CYP19A1: variants seen among roughly 807,000 people sequenced by gnomAD.
CYP19A1 encodes cytochrome P450 family 19 subfamily A member 1.
A neutral mutation model predicts 44.4 loss-of-function variants in CYP19A1; 32 were observed. The ratio of observed to expected loss-of-function variants is 0.72; its 90% CI spans 0.54 to 0.97. The LOEUF is 0.97. Among genes scored for constraint, CYP19A1 ranks in the 50% least tolerant of loss-of-function variants. The pLI is 0.00. For missense variants in CYP19A1, 598 were observed against 637.8 expected (o/e 0.94, Z 0.67); for synonymous variants, 212 against 215.6 (o/e 0.98, Z 0.14).
At chr15:51,279,704 A>G (rs1418209389) in intron 1 of CYP19A1, 1 of 152,232 alleles carries the variant, frequency 6.6e-6, no homozygotes, top group African/African-American at 2.4e-5. Context: ...TGGGATAGAA[A>G]TGGAAGCAGA....
chr15:51,229,056 C>T (rs1410190288), intron 3 of CYP19A1, among the ~76,000 whole-genome samples: 2 of 152,104 alleles, frequency 1.3e-5, no homozygotes, highest in African/African-American at 2.4e-5. Flanking sequence ...AATACATTCC[C>T]AGAGGACTCT....
At chr15:51,333,203 T>A (rs886576843) in intron 1 of CYP19A1, among the ~76,000 whole-genome samples, 2 of 152,188 alleles carry the variant, frequency 1.3e-5, no homozygotes, top group Non-Finnish European at 2.9e-5. Flanking sequence ...GCCCCCTAAG[T>A]ATAAGGGTAA....
At chr15:51,323,514 C>G (rs1228535326) in intron 1 of CYP19A1, among the ~76,000 whole-genome samples, 2 of 150,490 alleles carry the variant, frequency 1.3e-5, no homozygotes, top group African/African-American at 4.9e-5. Flanking sequence ...TTTTTTCCAA[C>G]CATGTGGTCT....
At chr15:51,294,378 G>T (rs1303687407) in intron 1 of CYP19A1, among the ~76,000 whole-genome samples, 3 of 148,546 alleles carry the variant, frequency 2.0e-5, no homozygotes. Context: ...CCATCTGGGA[G>T]GTGAGGAGTG....
intron 1 of CYP19A1, chr15:51,277,068 GAAAA>G (rs2035339220): frequency 6.6e-6 from 1 of 151,940 alleles, no homozygotes; most frequent in African/African-American, 2.4e-5. Flanking sequence ...AATAAAGAAA[GAAAA>G]AGAGAGAAAG....
At chr15:51,220,329 C>G (rs2031964469) in intron 5 of CYP19A1, among the ~76,000 whole-genome samples, 3 of 152,298 alleles carry the variant, frequency 2.0e-5, no homozygotes, top group African/African-American at 7.2e-5. Context: ...CTTATTATTG[C>G]CTAATATTTT....
chr15:51,232,914 G>T (rs556095692), intron 3 of CYP19A1, among the ~76,000 whole-genome samples: 3 of 152,356 alleles, frequency 2.0e-5, no homozygotes, highest in East Asian at 3.9e-4. Flanking sequence ...TTCTTGCAGG[G>T]GGTAAAAGCC....
intron 1 of CYP19A1, chr15:51,316,254 T>C (rs1902583): frequency 0.18 from 26,660 of 152,122 alleles, 4,019 homozygotes; most frequent in African/African-American, 0.41. Context: ...CTTTGGGAGT[T>C]TGAGACAGGA....
chr15:51,330,947 A>G (rs1258561776), intron 1 of CYP19A1, among the ~76,000 whole-genome samples: 1 of 152,178 alleles, frequency 6.6e-6, no homozygotes. Context: ...AAGAAGCTAC[A>G]TGGCCGTGAC....
At chr15:51,270,923 C>T (rs1181264715) in intron 1 of CYP19A1, among the ~76,000 whole-genome samples, 1 of 152,172 alleles carries the variant, frequency 6.6e-6, no homozygotes, top group Non-Finnish European at 1.5e-5. Flanking sequence ...TGGGATTCCA[C>T]CCCCACAACA....
In CYP19A1 at chr15:51,211,053, G is replaced by T; in HGVS notation, c.1267C>A (p.Pro423Thr). Residue 423 changes from proline to threonine, a missense_variant, in exon 10 of 10, where the codon CCT becomes ACT. Pro to Thr is a conservative substitution (Grantham distance 38). Transcript: ENST00000396402. ...FTLENFAKNV[P>T]YRYFQPFGFG... ...CCAAATGGCTGAAAGTACCTATAAGGAACCTATGAAAATGATCAGACAGTT... is the reference window on the plus strand; with the variant it reads ...CCAAATGGCTGAAAGTACCTATAAGTAACCTATGAAAATGATCAGACAGTT... 6.3e-7 allele frequency: 1 copy of T among 1,578,154 alleles called. No homozygotes were observed.
At chr15:51,217,998 GTCAT>G (rs2141049587) in intron 6 of CYP19A1, among the ~76,000 whole-genome samples, 1 of 152,114 alleles carries the variant, frequency 6.6e-6, no homozygotes, top group East Asian at 1.9e-4. Context: ...CCAAAACAAA[GTCAT>G]TTAATGACAA....
chr15:51,299,931 G>A (rs1163799933), intron 1 of CYP19A1, among the ~76,000 whole-genome samples: 1 of 152,260 alleles, frequency 6.6e-6, no homozygotes, highest in African/African-American at 2.4e-5. Context: ...GCCAAGAGGA[G>A]AGGTAGGATT....
chr15:51,282,704 C>T lies in CYP19A1; in HGVS notation c.-38-39754G>A, dbSNP rs12101421. Among the ~76,000 whole-genome samples the T allele has an allele frequency of 8.2e-3, 1,249 of 152,286 alleles. 18 individuals are homozygous for T. The highest frequency in any genetic ancestry group is 0.029 in the African/African-American group (1,189 of 41,534). On this transcript the variant is annotated intron_variant, in intron 1 of 9. Coordinates refer to ENST00000396402, the MANE Select transcript of CYP19A1 (RefSeq NM_000103.4). The stretch of plus-strand genomic sequence containing the variant: ...CACCCCAACATTCCTGGCTGCCCAA[C>T]GTGGGGCGACAAAGGCCCTGGTGAA...
At chr15:51,319,664 A>G (rs2036492132) in intron 1 of CYP19A1, among the ~76,000 whole-genome samples, 1 of 152,230 alleles carries the variant, frequency 6.6e-6, no homozygotes, top group Non-Finnish European at 1.5e-5. Context: ...CTTCATATAT[A>G]GCAAAACTTT....
intron 1 of CYP19A1, among the ~76,000 whole-genome samples, chr15:51,322,845 A>G (rs2036548941): frequency 6.6e-6 from 1 of 152,216 alleles, no homozygotes; most frequent in Admixed American, 6.5e-5. Context: ...CAGCTCCATG[A>G]GTCCATAACC....
intron 2 of CYP19A1, among the ~76,000 whole-genome samples, chr15:51,240,122 C>A (rs2033664816): frequency 6.7e-6 from 1 of 148,536 alleles, no homozygotes; most frequent in Non-Finnish European, 1.5e-5. Flanking sequence ...ATAGCCCCTA[C>A]CTGGCACTAA....
At chr15:51,269,571 C>G (rs1444231673) in intron 1 of CYP19A1, among the ~76,000 whole-genome samples, 1 of 152,084 alleles carries the variant, frequency 6.6e-6, no homozygotes, top group African/African-American at 2.4e-5. Flanking sequence ...ACCACTACTA[C>G]TACTATTTGG....
At chr15:51,253,066 C>T (rs2034383620) in intron 1 of CYP19A1, among the ~76,000 whole-genome samples, 2 of 152,140 alleles carry the variant, frequency 1.3e-5, no homozygotes, top group African/African-American at 4.8e-5. Flanking sequence ...TGCATTCCTC[C>T]CCACACCATT....
Sources: gnomAD v4.1 joint callset for allele counts (sites outside exome capture counted in the v4.1 genomes callset) on GRCh38, gnomAD v4.1.1 for gene constraint, MANE v1.5 for transcripts, NCBI Gene and HGNC (gene_info 2026-07-23, HGNC 2026-07-21) for gene names.